The following LRRIQ1 variants were observed in gnomAD, a reference collection of about 807,000 sequenced individuals.
The protein encoded by LRRIQ1 is leucine-rich repeat- and IQ domain-containing protein 1.
Under a neutral mutation model 211.9 loss-of-function variants are expected in LRRIQ1, and 210 were observed. The ratio of observed to expected loss-of-function variants is 0.99; its 90% confidence interval spans 0.89 to 1.11. The LOEUF (loss-of-function observed/expected upper bound fraction) is 1.11. Ranked by LOEUF, LRRIQ1 falls within the 50% of genes most tolerant of loss-of-function variation. LRRIQ1 has a pLI of 0.00. For synonymous variants in LRRIQ1, 699 were observed against 650.1 expected (o/e 1.08, Z -1.14); for missense variants, 2,136 against 1,939.5 (o/e 1.10, Z -1.90).
chr12:85,096,931 A>T (rs868087373), intron 11 of LRRIQ1, among the ~76,000 whole-genome samples: 1 of 152,014 alleles, frequency 6.6e-6, no homozygotes, highest in South Asian at 2.1e-4. Context: ...TGTCCTTTTG[A>T]ACTGTTGTTG....
intron 24 of LRRIQ1, among the ~76,000 whole-genome samples, chr12:85,191,766 A>G (rs910417329): frequency 6.6e-6 from 1 of 151,998 alleles, no homozygotes; most frequent in African/African-American, 2.4e-5. Flanking sequence ...TTCACCAGCA[A>G]TGAATGACAG....
rs760001936 is a variant in LRRIQ1 at position 85,104,045 on chromosome 12, A to C, written c.3251A>C (p.Glu1084Ala). Residue 1084 changes from glutamate to alanine, a missense_variant, in exon 14 of 27, where the codon GAA becomes GCA. Coordinates refer to ENST00000393217, the MANE Select transcript of LRRIQ1 (RefSeq NM_001079910.2). Reference sequence around the variant, plus strand: ...CCACTTTTTCATTTTGTTTCATTGGAAAAGCTAGATGTCAGCCACAATTGT... The same window carrying C: ...CCACTTTTTCATTTTGTTTCATTGGCAAAGCTAGATGTCAGCCACAATTGT... Reference protein sequence around the residue: ...IVPLFHFVSLEKLDVSHNCLS... With the variant: ...IVPLFHFVSLAKLDVSHNCLS... 6.4e-7 allele frequency: 1 copy of C among 1,566,560 alleles called. No individual in the cohort carries two copies. The highest frequency in any genetic ancestry group is 8.7e-7 in the Non-Finnish European group (1 of 1,155,878).
chr12:85,100,560 G>A (rs886271232), intron 13 of LRRIQ1, among the ~76,000 whole-genome samples: 1 of 151,582 alleles, frequency 6.6e-6, no homozygotes, highest in African/African-American at 2.4e-5. Flanking sequence ...GAGCATTTTG[G>A]CATAAAAGAA....
intron 18 of LRRIQ1, among the ~76,000 whole-genome samples, chr12:85,132,683 G>GC (rs939166521): frequency 1.1e-4 from 17 of 151,938 alleles, no homozygotes; most frequent in African/African-American, 3.9e-4. Context: ...GATCTCTTGA[G>GC]CCCGGATGGT....
intron 24 of LRRIQ1, among the ~76,000 whole-genome samples, chr12:85,169,320 T>G (rs2136794488): frequency 6.6e-6 from 1 of 152,236 alleles, no homozygotes; most frequent in South Asian, 2.1e-4. Flanking sequence ...GTAACAAAAC[T>G]AAATAAAATT....
At chr12:85,080,858 T>A (rs747927674) in intron 11 of LRRIQ1, among the ~76,000 whole-genome samples, 14 of 152,012 alleles carry the variant, frequency 9.2e-5, no homozygotes, top group Non-Finnish European at 1.9e-4. Context: ...GGTCACTTAG[T>A]GTTATTTTCT....
At chr12:85,166,737 G>A (rs1490071800) in intron 24 of LRRIQ1, among the ~76,000 whole-genome samples, 1 of 152,210 alleles carries the variant, frequency 6.6e-6, no homozygotes, top group African/African-American at 2.4e-5. Flanking sequence ...AATACCTGAA[G>A]GCAGCCCCGT....
At chr12:85,238,536 A>T (rs906128997) in intron 26 of LRRIQ1, among the ~76,000 whole-genome samples, 2 of 152,130 alleles carry the variant, frequency 1.3e-5, no homozygotes, top group Admixed American at 6.6e-5. Context: ...TTCACTATCG[A>T]TCACAAATAT....
At chr12:85,262,387 A>G (rs866665228) in intron 1 of LRRIQ1, among the ~76,000 whole-genome samples, 1 of 152,088 alleles carries the variant, frequency 6.6e-6, no homozygotes, top group African/African-American at 2.4e-5. Flanking sequence ...CCAGAGTCAC[A>G]AAGCTCTATT....
chr12:85,226,157 G>A (rs1894642020), intron 24 of LRRIQ1, among the ~76,000 whole-genome samples: 1 of 152,186 alleles, frequency 6.6e-6, no homozygotes, highest in African/African-American at 2.4e-5. Flanking sequence ...AAGTGTTATT[G>A]TAGAATTGAG....
At chr12:85,081,482 A>G (rs145204980) in intron 11 of LRRIQ1, among the ~76,000 whole-genome samples, 2 of 151,080 alleles carry the variant, frequency 1.3e-5, no homozygotes, top group East Asian at 3.9e-4. Flanking sequence ...TTATTCATGA[A>G]TTCCTTTAGT....
intron 18 of LRRIQ1, among the ~76,000 whole-genome samples, chr12:85,129,904 G>A (rs971003676): frequency 1.3e-5 from 2 of 152,120 alleles, no homozygotes; most frequent in Middle Eastern, 3.2e-3. Flanking sequence ...CCAGGCAAGA[G>A]ATAACGTCAG....
chr12:85,124,709 A>G, intron 17 of LRRIQ1, 190 bp downstream of exon 17: 1 of 514,880 alleles, frequency 1.9e-6, no homozygotes, highest in Non-Finnish European at 3.4e-6. Context: ...TATAGTGCAT[A>G]TTAATTTGAT....
intron 24 of LRRIQ1, among the ~76,000 whole-genome samples, chr12:85,196,755 A>G (rs1468316223): frequency 6.6e-6 from 1 of 151,610 alleles, no homozygotes; most frequent in Non-Finnish European, 1.5e-5. Flanking sequence ...ACCATTCAGG[A>G]CATAGGCATG....
chr12:85,098,848 G>T lies in LRRIQ1; in HGVS notation c.3082-19G>T. ...AATATTTTGCTTAATATAAACTAAT[G>T]AACCAAATTTAAATATAGCTTCCAT... On this transcript the variant is annotated intron_variant, in intron 12 of 26. Transcript: ENST00000393217. The T allele has an allele frequency of 6.6e-7, 1 of 1,514,666 alleles. No individual in the cohort carries two copies. The highest frequency in any genetic ancestry group is 1.3e-5 in the South Asian group (1 of 76,032). 93.8% of individuals were successfully genotyped at this position (1,514,666 alleles called of 1,614,324 possible). A position where few individuals can be genotyped will look rare whatever the true frequency, so the allele number is the denominator to read the frequency against.
At chr12:85,272,802 A>T in the LRRIQ1 span, among the ~76,000 whole-genome samples, 1 of 152,166 alleles carries the variant, frequency 6.6e-6, no homozygotes, top group Non-Finnish European at 1.5e-5. Flanking sequence ...CTGAAAGATG[A>T]TGTAATCCCA....
At chr12:85,199,507 G>T (rs543773496) in intron 24 of LRRIQ1, among the ~76,000 whole-genome samples, 1 of 151,872 alleles carries the variant, frequency 6.6e-6, no homozygotes, top group Admixed American at 6.6e-5. Context: ...TGGTTACTGT[G>T]GCCTTATAGT....
At chr12:85,209,213 A>C (rs956027650) in intron 24 of LRRIQ1, among the ~76,000 whole-genome samples, 1 of 152,200 alleles carries the variant, frequency 6.6e-6, no homozygotes, top group African/African-American at 2.4e-5. Context: ...TATAAAGGAA[A>C]GAGGTTTAAT....
chr12:85,129,056 C>T (rs986090587), intron 18 of LRRIQ1, among the ~76,000 whole-genome samples: 2 of 152,130 alleles, frequency 1.3e-5, no homozygotes, highest in Non-Finnish European at 2.9e-5. Flanking sequence ...TTCTGTTGTC[C>T]AGGAACTTCT....
Sources: allele counts gnomAD v4.1 joint callset (sites outside exome capture counted in the v4.1 genomes callset), GRCh38; gene constraint gnomAD v4.1.1; transcripts MANE v1.5; gene names NCBI Gene and HGNC (gene_info 2026-07-23, HGNC 2026-07-21).